The following SVEP1 variants were observed in gnomAD, a reference collection of about 807,000 sequenced individuals.
SVEP1 encodes the protein sushi, von Willebrand factor type A, EGF and pentraxin domain containing 1.
In SVEP1, 164 loss-of-function variants were observed where a neutral mutation model predicts 367.3. That is an observed-to-expected ratio of 0.45 (90% CI 0.39 to 0.51). The LOEUF is 0.51. SVEP1 is among the 20% of genes least tolerant of loss of function. The probability of loss-of-function intolerance (pLI) is 0.00; values close to 1 mark genes in which losing one functional copy is unlikely to be tolerated. For synonymous variants in SVEP1, 1,666 were observed against 1,611.6 expected (o/e 1.03, Z -0.81); for missense variants, 4,117 against 4,425.3 (o/e 0.93, Z 1.98).
chr9:110,567,819 A>T (rs535416847), intron 1 of SVEP1, among the ~76,000 whole-genome samples: 113 of 152,232 alleles, frequency 7.4e-4, no homozygotes, highest in South Asian at 2.1e-3. Context: ...CTTCCTAGAC[A>T]TCCCCTGCCA....
At chr9:110,428,697 G>A (rs1046823058) in intron 35 of SVEP1, among the ~76,000 whole-genome samples, 1 of 152,092 alleles carries the variant, frequency 6.6e-6, no homozygotes, top group Non-Finnish European at 1.5e-5. Context: ...GGTAGGCCTC[G>A]GGAAGCATAC....
At chr9:110,472,898 ATCACTGTGATTAACTGCATGGGT>A (rs1375634428) in intron 14 of SVEP1, among the ~76,000 whole-genome samples, 6 of 152,200 alleles carry the variant, frequency 3.9e-5, no homozygotes, top group African/African-American at 1.4e-4. Flanking sequence ...TGCCCTTGAT[ATCACTGTGATTAACTGCATGGGT>A]TCAGATTGTG....
rs145793155 is a variant in SVEP1, at chr9:110,574,427, T to C, written c.531+4586A>G. Among the ~76,000 whole-genome samples, 256 of 152,350 alleles carry C rather than the reference T, an allele frequency of 1.7e-3. 3 individuals carry two copies. Among genetic ancestry groups the C allele is most frequent in the African/African-American group, 4.8e-3 (201 of 41,590 alleles). On this transcript the variant is annotated intron_variant, in intron 1 of 47. Transcript: ENST00000374469. ...GCTAGGTCACAATCAGTTATAATAA[T>C]ACCACTCTGCACACACGTGGGAATC...
At chr9:110,379,917 C>T (rs34559378) in intron 43 of SVEP1, among the ~76,000 whole-genome samples, 19,034 of 152,160 alleles carry the variant, frequency 0.13, 1,300 homozygotes, top group African/African-American at 0.15. Flanking sequence ...AATTGTAGTA[C>T]TGCATATTGT....
At chr9:110,522,515 T>G (rs1829888487) in intron 3 of SVEP1, among the ~76,000 whole-genome samples, 1 of 152,142 alleles carries the variant, frequency 6.6e-6, no homozygotes, top group South Asian at 2.1e-4. Flanking sequence ...ACAATAGCAA[T>G]TTACCACCCA....
chr9:110,408,784 A>G lies in SVEP1; in HGVS notation c.6816T>C (p.Asn2272=). 6.2e-7 allele frequency: 1 copy of G among 1,613,440 alleles called. No homozygotes were observed. The highest frequency in any genetic ancestry group is 1.6e-4 in the Middle Eastern group (1 of 6,062). The change falls in exon 38 of 48, where the codon AAT becomes AAC. Residue 2272 remains asparagine (N), a synonymous_variant. Transcript: ENST00000374469. The part of the protein sequence containing the change: ...LDCGKPPPIQ[N]GFMKGENFEV... ...CAAAGTTTTCTCCTTTCATGAAGCCATTCTGGATCGGGGGAGGTTTTCCAC... is the reference window on the plus strand; with the variant it reads ...CAAAGTTTTCTCCTTTCATGAAGCCGTTCTGGATCGGGGGAGGTTTTCCAC...
intron 47 of SVEP1, 35 bp from the exon 48 acceptor site, chr9:110,366,595 A>C (rs1827203626): frequency 2.2e-5 from 33 of 1,516,538 alleles, no homozygotes; most frequent in Middle Eastern, 1.7e-4. Flanking sequence ...AAATAGATTC[A>C]AAAGAAAAAA....
At position 110,513,942 on chromosome 9, in the gene SVEP1, A is replaced by G. The variant is rs764854399; in HGVS notation, c.1123+6T>C. The G allele has an allele frequency of 1.2e-6, 2 of 1,608,192 alleles. No individual in the cohort carries two copies. Among genetic ancestry groups the G allele is most frequent in the Non-Finnish European group, 1.7e-6 (2 of 1,176,096 alleles). ...ATTTCCCATTTTCCAACAGTGGGAG[A>G]CTCACGTTCACAGGTCTGGCCAGAT... On this transcript the variant is annotated splice_donor_region_variant and intron_variant, in intron 4 of 47. Coordinates refer to ENST00000374469, the MANE Select transcript of SVEP1 (RefSeq NM_153366.4).
chr9:110,446,092 T>C (rs1208115886), intron 25 of SVEP1, 54 bp from the exon 26 acceptor site: 4 of 1,503,576 alleles, frequency 2.7e-6, no homozygotes, highest in African/African-American at 1.4e-5. Flanking sequence ...ACATTTCCAA[T>C]TGTCAGAGGA....
At position 110,427,641 on chromosome 9, in the gene SVEP1, C is replaced by T. The variant is rs181574559; in HGVS notation, c.5925G>A (p.Thr1975=). 4.0e-5 allele frequency: 64 copies of T among 1,613,694 alleles called. No individual in the cohort carries two copies. The highest frequency in any genetic ancestry group is 9.9e-5 in the South Asian group (9 of 91,076). Residue 1975 remains threonine, a synonymous_variant, in exon 36 of 48, where the codon ACG becomes ACA. Transcript: ENST00000374469. ...EPPAIKDAVI[T]GNNFTFRNTV... Reference sequence around the variant, plus strand: ...TGTTCCTGAAAGTGAAGTTATTCCCCGTAATGACAGCATCTTTGATGGCAG... The same window carrying T: ...TGTTCCTGAAAGTGAAGTTATTCCCTGTAATGACAGCATCTTTGATGGCAG...
chr9:110,398,860 G>T (rs371430449), intron 40 of SVEP1, among the ~76,000 whole-genome samples: 1 of 152,210 alleles, frequency 6.6e-6, no homozygotes, highest in East Asian at 1.9e-4. Flanking sequence ...TGCTAGAGAG[G>T]ATGTGGAGAA....
intron 27 of SVEP1, among the ~76,000 whole-genome samples, chr9:110,441,351 C>A (rs371984524): frequency 8.3e-4 from 127 of 152,300 alleles, no homozygotes; most frequent in African/African-American, 2.9e-3. Flanking sequence ...CTCTTTCCTT[C>A]CCCTCCAAAT....
chr9:110,541,366 T>C (rs192614467), intron 3 of SVEP1, among the ~76,000 whole-genome samples: 1 of 152,240 alleles, frequency 6.6e-6, no homozygotes, highest in Non-Finnish European at 1.5e-5. Context: ...TCCCATCTAA[T>C]AGTCTTGCTT....
chr9:110,465,811 AT>A, intron 18 of SVEP1, 53 bp downstream of exon 18: 1 of 1,562,538 alleles, frequency 6.4e-7, no homozygotes, highest in Non-Finnish European at 8.7e-7. Context: ...CCACTCCTTC[AT>A]GCATAGAACC....
chr9:110,399,620 G>A (rs1472999700), intron 40 of SVEP1, among the ~76,000 whole-genome samples: 1 of 152,056 alleles, frequency 6.6e-6, no homozygotes, highest in African/African-American at 2.4e-5. Context: ...TGCAACCTCT[G>A]CCTCCTGGGC....
intron 3 of SVEP1, among the ~76,000 whole-genome samples, chr9:110,538,819 G>A (rs553428966): frequency 6.6e-6 from 1 of 152,174 alleles, no homozygotes; most frequent in East Asian, 1.9e-4. Context: ...ATTCAGAACA[G>A]CTGCAACTGC....
chr9:110,569,035 G>A (rs1341099834), intron 1 of SVEP1, among the ~76,000 whole-genome samples: 8 of 152,164 alleles, frequency 5.3e-5, no homozygotes, highest in African/African-American at 1.9e-4. Flanking sequence ...TGAGGCTGCA[G>A]TGAGACATGA....
At chr9:110,471,004 G>A (rs1468704197) in intron 16 of SVEP1, among the ~76,000 whole-genome samples, 1 of 152,050 alleles carries the variant, frequency 6.6e-6, no homozygotes, top group Non-Finnish European at 1.5e-5. Flanking sequence ...CGTAAAATGT[G>A]TTTAATAATA....
intron 3 of SVEP1, among the ~76,000 whole-genome samples, chr9:110,529,085 C>T (rs889207079): frequency 1.3e-5 from 2 of 152,006 alleles, no homozygotes; most frequent in Non-Finnish European, 2.9e-5. Flanking sequence ...TTTCATTCTT[C>T]TACATGTGGC....
Sources: allele counts gnomAD v4.1 joint callset (sites outside exome capture counted in the v4.1 genomes callset), GRCh38; gene constraint gnomAD v4.1.1; transcripts MANE v1.5; gene names NCBI Gene and HGNC (gene_info 2026-07-23, HGNC 2026-07-21).